The following PTPRO variants were observed in gnomAD, a reference collection of about 807,000 sequenced individuals.
The protein encoded by PTPRO is receptor-type tyrosine-protein phosphatase O.
Under a neutral mutation model 145.2 loss-of-function variants are expected in PTPRO, and 62 were observed. The observed-to-expected ratio is 0.43, with a 90% CI of 0.35 to 0.53. PTPRO has a LOEUF of 0.53. PTPRO is among the 20% of genes least tolerant of loss of function. PTPRO has a pLI of 0.01. For synonymous variants in PTPRO, 565 were observed against 514.7 expected, an observed-to-expected ratio of 1.10 and a Z score of -1.32; for missense variants, 1,345 against 1,482.7, an observed-to-expected ratio of 0.91 and a Z score of 1.53.
At chr12:15,539,568 C>A (rs990194264) in intron 12 of PTPRO, among the ~76,000 whole-genome samples, 3 of 151,724 alleles carry the variant, frequency 2.0e-5, no homozygotes, top group African/African-American at 7.3e-5. Context: ...TCGAGACCAG[C>A]CTGCGCAACA....
intron 1 of PTPRO, among the ~76,000 whole-genome samples, chr12:15,465,603 C>T (rs1002946918): frequency 2.0e-5 from 3 of 152,096 alleles, no homozygotes; most frequent in South Asian, 2.1e-4. Context: ...AGAAAGAAAT[C>T]GATTCTTTCT....
intron 1 of PTPRO, among the ~76,000 whole-genome samples, chr12:15,363,374 A>G (rs1228821398): frequency 1.3e-5 from 2 of 152,184 alleles, no homozygotes; most frequent in Non-Finnish European, 2.9e-5. Context: ...TGGGCTACAA[A>G]TTAAACATAC....
At chr12:15,520,555 TTG>T (rs1366631165) in intron 10 of PTPRO, among the ~76,000 whole-genome samples, 13 of 152,244 alleles carry the variant, frequency 8.5e-5, no homozygotes, top group Non-Finnish European at 1.9e-4. Context: ...GGCACTGACC[TTG>T]ATTAATGTAC....
chr12:15,468,586 C>T (rs1214309837), intron 1 of PTPRO, among the ~76,000 whole-genome samples: 1 of 152,172 alleles, frequency 6.6e-6, no homozygotes, highest in East Asian at 1.9e-4. Flanking sequence ...CAGCCACCTG[C>T]TAGGAGCTCC....
At chr12:15,513,095 GAAA>G in intron 7 of PTPRO, among the ~76,000 whole-genome samples, 1 of 18,420 alleles carries the variant, frequency 5.4e-5, no homozygotes, top group Non-Finnish European at 1.5e-4. Flanking sequence ...AAAGAAAGAA[GAAA>G]GAAAGAAAGA....
At chr12:15,575,820 C>A (rs1266656983) in intron 19 of PTPRO, among the ~76,000 whole-genome samples, 2 of 152,206 alleles carry the variant, frequency 1.3e-5, no homozygotes, top group Non-Finnish European at 2.9e-5. Flanking sequence ...CCTCTTTCAG[C>A]TTCTGTTGGC....
rs919849545 is a variant in PTPRO at position 15,597,713 on chromosome 12, G to C, written c.*1640G>C. ...GGCAGAGGATGCCCATACCCTGCAG[G>C]TTAACAGCTTGGGCTCCTCAGGGGT... is the stretch of plus-strand genomic sequence containing the variant. On this transcript the variant is annotated 3_prime_UTR_variant, in exon 27 of 27. Transcript: ENST00000281171. 6.6e-6 allele frequency among the ~76,000 whole-genome samples: 1 copy of C among 152,172 alleles called. No homozygotes were observed. The highest frequency in any genetic ancestry group is 2.4e-5 in the African/African-American group (1 of 41,428).
At chr12:15,484,331 C>A in intron 2 of PTPRO, 84 bp downstream of exon 2, 14 of 1,508,248 alleles carry the variant, frequency 9.3e-6, no homozygotes, top group Non-Finnish European at 1.3e-5. Context: ...CAGACTCCAC[C>A]CAGAATGGCA....
chr12:15,497,556 C>T (rs1264864036), intron 3 of PTPRO, among the ~76,000 whole-genome samples, 153 bp downstream of exon 3: 1 of 152,170 alleles, frequency 6.6e-6, no homozygotes, highest in African/African-American at 2.4e-5. Flanking sequence ...TTATGAAAAT[C>T]GTGTTATGAG....
rs549051228 is a variant in PTPRO, at chr12:15,437,170, T to C, written c.76-46804T>C. Among the ~76,000 whole-genome samples the C allele has an allele frequency of 9.9e-5, 15 of 151,796 alleles. No homozygotes were observed. In the East Asian group the frequency reaches 2.9e-3, roughly 30 times the overall value. On this transcript the variant is annotated intron_variant, in intron 1 of 26. Transcript: ENST00000281171. ...GCAGATTTCTAGGCATTCAGAGCGC[T>C]CATTCACCTGGTTCAGCAGCCTGAG...
At chr12:15,545,457 C>A (rs1444834363) in intron 12 of PTPRO, among the ~76,000 whole-genome samples, 3 of 150,508 alleles carry the variant, frequency 2.0e-5, no homozygotes, top group Non-Finnish European at 4.4e-5. Flanking sequence ...GAGGGAAAGA[C>A]AACATCCAAA....
chr12:15,522,596 T>G (rs992106665), intron 10 of PTPRO, among the ~76,000 whole-genome samples: 3 of 152,238 alleles, frequency 2.0e-5, no homozygotes, highest in Admixed American at 1.3e-4. Flanking sequence ...ATGCTTAACT[T>G]TCCTATGCTT....
intron 7 of PTPRO, among the ~76,000 whole-genome samples, chr12:15,514,035 T>A (rs2136497358): frequency 6.6e-6 from 1 of 152,350 alleles, no homozygotes; most frequent in African/African-American, 2.4e-5. Context: ...CACCTTAACC[T>A]TTTAGTTGAA....
rs772878456 is a variant in PTPRO at position 15,496,570 on chromosome 12, G to A, written c.350-675G>A. Among the ~76,000 whole-genome samples the A allele has an allele frequency of 5.9e-5, 9 of 152,036 alleles. No individual in the cohort carries two copies. In the South Asian group the frequency reaches 8.3e-4, roughly 14 times the overall value. ...GGGGGAGGAGAGGCAGGCATATATCGATCATGGATTTTAAAAAATGAGTAT... is the reference window on the plus strand; with the variant it reads ...GGGGGAGGAGAGGCAGGCATATATCAATCATGGATTTTAAAAAATGAGTAT... On this transcript the variant is annotated intron_variant, in intron 2 of 26. Coordinates refer to ENST00000281171, the MANE Select transcript of PTPRO (RefSeq NM_030667.3).
intron 16 of PTPRO, among the ~76,000 whole-genome samples, chr12:15,559,193 G>C (rs1388770811): frequency 1.3e-5 from 2 of 152,180 alleles, no homozygotes; most frequent in Admixed American, 1.3e-4. Flanking sequence ...ATTTATGGGA[G>C]ACCAGTCATG....
chr12:15,485,745 A>G (rs1486594957), intron 2 of PTPRO, among the ~76,000 whole-genome samples: 1 of 152,176 alleles, frequency 6.6e-6, no homozygotes, highest in Non-Finnish European at 1.5e-5. Flanking sequence ...AGCAATGCTA[A>G]AAAATTTCTA....
chr12:15,571,686 G>C (rs1432476400), intron 19 of PTPRO, among the ~76,000 whole-genome samples: 3 of 152,088 alleles, frequency 2.0e-5, no homozygotes, highest in Middle Eastern at 6.3e-3. Context: ...TGTCTTTCTT[G>C]TTTGTAGTTT....
intron 1 of PTPRO, among the ~76,000 whole-genome samples, chr12:15,472,567 A>G (rs1027467155): frequency 6.6e-5 from 10 of 152,182 alleles, no homozygotes; most frequent in Non-Finnish European, 1.2e-4. Context: ...ACTCACGAGC[A>G]TCTTTCATAC....
rs114197580 is a variant in PTPRO, at chr12:15,477,654, C to G, written c.76-6320C>G. On this transcript the variant is annotated intron_variant, in intron 1 of 26. Transcript: ENST00000281171. Reference sequence around the variant, plus strand: ...TTAAGGAGGAGCAGGAGTTAGCCTTCAGAGCGTGAGTCGGGACAAAGTGGC... The same window carrying G: ...TTAAGGAGGAGCAGGAGTTAGCCTTGAGAGCGTGAGTCGGGACAAAGTGGC... Among the ~76,000 whole-genome samples, 1,289 of 152,184 alleles carry G rather than the reference C, an allele frequency of 8.5e-3. 18 individuals are homozygous for G. The highest frequency in any genetic ancestry group is 0.03 in the African/African-American group (1,232 of 41,520).
Sources: allele counts gnomAD v4.1 joint callset (sites outside exome capture counted in the v4.1 genomes callset), GRCh38; gene constraint gnomAD v4.1.1; transcripts MANE v1.5; gene names NCBI Gene and HGNC (gene_info 2026-07-23, HGNC 2026-07-21).